Variants in MYO16 observed in about 807,000 individuals in gnomAD.
MYO16 encodes myosin XVI, also known as unconventional myosin-XVI.
A neutral mutation model predicts 205.3 loss-of-function variants in MYO16; 94 were observed. The ratio of observed to expected loss-of-function variants is 0.46; its 90% CI spans 0.39 to 0.54. MYO16 has a LOEUF of 0.54. MYO16 is among the 20% of genes least tolerant of loss of function. The probability of loss-of-function intolerance (pLI) is 0.00; values close to 1 mark genes in which losing one functional copy is unlikely to be tolerated. For missense variants in MYO16, 2,315 were observed against 2,387.5 expected (o/e 0.97, Z 0.63); for synonymous variants, 988 against 954.0 (o/e 1.04, Z -0.66).
intron 27 of MYO16, among the ~76,000 whole-genome samples, chr13:109,068,225 G>A (rs1379852118): frequency 6.6e-6 from 1 of 152,188 alleles, no homozygotes; most frequent in Non-Finnish European, 1.5e-5. Flanking sequence ...CTTGGAGCTT[G>A]AAGAAGCAGA....
intron 2 of MYO16, among the ~76,000 whole-genome samples, chr13:108,692,132 C>A (rs1352424023): frequency 6.6e-6 from 1 of 152,210 alleles, no homozygotes; most frequent in Admixed American, 6.5e-5. Context: ...AAAAAGACAT[C>A]ATGAATCAAA....
chr13:108,688,185 A>C (rs1283746897), intron 2 of MYO16, among the ~76,000 whole-genome samples: 1 of 152,126 alleles, frequency 6.6e-6, no homozygotes, highest in East Asian at 1.9e-4. Context: ...CAAGGGCCTT[A>C]ATTACAAGAG....
intron 2 of MYO16, among the ~76,000 whole-genome samples, chr13:108,704,223 C>A (rs1344959288): frequency 1.3e-5 from 2 of 152,004 alleles, no homozygotes; most frequent in Non-Finnish European, 2.9e-5. Flanking sequence ...CCTAAATAAC[C>A]AATGTATCAA....
At chr13:108,666,987 G>A (rs1367692323) in intron 2 of MYO16, among the ~76,000 whole-genome samples, 1 of 152,192 alleles carries the variant, frequency 6.6e-6, no homozygotes, top group East Asian at 1.9e-4. Flanking sequence ...TCAGTATTTG[G>A]ATGAATCTAA....
intron 12 of MYO16, among the ~76,000 whole-genome samples, chr13:108,867,409 C>T (rs1252437354): frequency 6.6e-6 from 1 of 151,900 alleles, no homozygotes; most frequent in South Asian, 2.1e-4. Context: ...AAAGTCAGTG[C>T]CATGGTTACT....
At chr13:108,725,183 C>T (rs1884297671) in intron 3 of MYO16, among the ~76,000 whole-genome samples, 1 of 152,036 alleles carries the variant, frequency 6.6e-6, no homozygotes, top group African/African-American at 2.4e-5. Context: ...TTCAATAGAT[C>T]CCCTCACTTT....
At chr13:109,028,131 C>A (rs1393567033) in intron 23 of MYO16, among the ~76,000 whole-genome samples, 2 of 151,900 alleles carry the variant, frequency 1.3e-5, no homozygotes, top group African/African-American at 4.8e-5. Flanking sequence ...CAACCACTCC[C>A]ATTATATTAC....
chr13:109,069,192 G>T (rs1887849665), intron 27 of MYO16, among the ~76,000 whole-genome samples: 1 of 152,180 alleles, frequency 6.6e-6, no homozygotes, highest in Admixed American at 6.5e-5. Context: ...AGAAAGGAAA[G>T]TTCAAAGATC....
chr13:109,184,016 T>G (rs1879568936), intron 34 of MYO16, among the ~76,000 whole-genome samples: 1 of 152,226 alleles, frequency 6.6e-6, no homozygotes, highest in Non-Finnish European at 1.5e-5. Context: ...TCTTTCTATA[T>G]TCATTGTATT....
intron 11 of MYO16, among the ~76,000 whole-genome samples, chr13:108,858,346 A>G (rs1878296690): frequency 6.6e-6 from 1 of 152,186 alleles, no homozygotes; most frequent in Non-Finnish European, 1.5e-5. Context: ...TTCCCCACAA[A>G]TAGAAAATCA....
intron 16 of MYO16, among the ~76,000 whole-genome samples, chr13:108,951,252 T>C (rs1883138116): frequency 6.6e-6 from 1 of 152,234 alleles, no homozygotes; most frequent in Admixed American, 6.5e-5. Flanking sequence ...CTGCTGTCTA[T>C]TCCTTCCTTT....
intron 20 of MYO16, among the ~76,000 whole-genome samples, chr13:108,983,899 A>G (rs1035276878): frequency 1.3e-5 from 2 of 152,196 alleles, no homozygotes; most frequent in South Asian, 4.1e-4. Context: ...AAGTTGACCC[A>G]ACTACCTATA....
the MYO16 span, among the ~76,000 whole-genome samples, chr13:108,541,383 T>C: frequency 6.6e-6 from 1 of 151,008 alleles, no homozygotes; most frequent in East Asian, 1.9e-4. Context: ...ATTTGTTTTA[T>C]ATATACATTA....
At chr13:108,516,152 A>T in the MYO16 span, among the ~76,000 whole-genome samples, 1 of 151,624 alleles carries the variant, frequency 6.6e-6, no homozygotes, top group Non-Finnish European at 1.5e-5. Context: ...GGACCCTCTG[A>T]GCCAGGTGTG....
At chr13:108,772,735 A>C (rs1177884248) in intron 4 of MYO16, among the ~76,000 whole-genome samples, 2 of 152,198 alleles carry the variant, frequency 1.3e-5, no homozygotes, top group African/African-American at 4.8e-5. Context: ...GTTCTTATAA[A>C]ATACATACTA....
At chr13:109,180,685 T>A (rs1259028795) in intron 34 of MYO16, among the ~76,000 whole-genome samples, 2 of 152,236 alleles carry the variant, frequency 1.3e-5, no homozygotes, top group African/African-American at 4.8e-5. Flanking sequence ...ATAGTTTGAA[T>A]CTTAAGAATA....
At position 108,962,458 on chromosome 13, in the gene MYO16, G is replaced by A. The variant is rs748351129; in HGVS notation, c.2190G>A (p.Leu730=). The change falls in exon 19 of 35, where the codon TTG becomes TTA. Residue 730 remains leucine (L), a synonymous_variant. Coordinates refer to ENST00000457511, the MANE Select transcript of MYO16 (RefSeq NM_001198950.3). The part of the protein sequence containing the change: ...AGMLQVSTDE[L]ASALTTDIQY... ...TGTTACAAGTATCAACAGATGAATTGGCATCTGCCTTAACAACTGATATTC... is the reference window on the plus strand; with the variant it reads ...TGTTACAAGTATCAACAGATGAATTAGCATCTGCCTTAACAACTGATATTC... 6.3e-7 allele frequency: 1 copy of A among 1,597,512 alleles called. No homozygotes were observed.
intron 4 of MYO16, among the ~76,000 whole-genome samples, chr13:108,765,875 C>T (rs922473395): frequency 6.6e-5 from 10 of 152,086 alleles, no homozygotes; most frequent in African/African-American, 9.7e-5. Flanking sequence ...TACTGACCTC[C>T]GGCAGTTTAC....
chr13:109,195,913 C>T (rs1254405121), intron 34 of MYO16, among the ~76,000 whole-genome samples: 2 of 151,816 alleles, frequency 1.3e-5, no homozygotes, highest in Admixed American at 1.3e-4. Flanking sequence ...TGGTTCATGC[C>T]CTAGACCTCA....
Sources: gnomAD v4.1 joint callset for allele counts (sites outside exome capture counted in the v4.1 genomes callset) on GRCh38, gnomAD v4.1.1 for gene constraint, MANE v1.5 for transcripts, NCBI Gene and HGNC (gene_info 2026-07-23, HGNC 2026-07-21) for gene names.